The following CACNA1I variants were observed in gnomAD, a reference collection of about 807,000 sequenced individuals.
CACNA1I encodes the protein calcium voltage-gated channel subunit alpha1 I, also known as voltage-dependent T-type calcium channel subunit alpha-1I.
In CACNA1I, 74 loss-of-function variants were observed where a neutral mutation model predicts 201.6. The ratio of observed to expected loss-of-function variants is 0.37; its 90% CI spans 0.30 to 0.45. The LOEUF (loss-of-function observed/expected upper bound fraction) is 0.45. Among genes scored for constraint, CACNA1I ranks in the 20% least tolerant of loss-of-function variants. The probability of loss-of-function intolerance (pLI) is 1.00; values close to 1 mark genes in which losing one functional copy is unlikely to be tolerated. For synonymous variants in CACNA1I, 1,431 were observed against 1,345.2 expected (o/e 1.06, Z -1.40); for missense variants, 2,346 against 3,138.1 (o/e 0.75, Z 6.03).
At position 39,663,716 on chromosome 22, in the gene CACNA1I, A is replaced by G; in HGVS notation, c.3474-2A>G. On this transcript the variant is annotated splice_acceptor_variant, in intron 18 of 36. Transcript: ENST00000402142. LOFTEE classifies it high-confidence loss of function. Reference sequence around the variant, plus strand: ...CAGGCAGCCCCCGCCCACCCTGCCCAGGTTCCGGGTCCTGTGTCAGACCAT... The same window carrying G: ...CAGGCAGCCCCCGCCCACCCTGCCCGGGTTCCGGGTCCTGTGTCAGACCAT... 3.2e-6 allele frequency: 2 copies of G among 626,200 alleles called. No individual in the cohort carries two copies. The highest frequency in any genetic ancestry group is 5.7e-6 in the Non-Finnish European group (2 of 348,976). 38.8% of individuals were successfully genotyped at this position (626,200 alleles called of 1,614,324 possible). A position where few individuals can be genotyped will look rare whatever the true frequency, so the allele number is the denominator to read the frequency against.
chr22:39,613,534 G>A (rs1196612581), intron 3 of CACNA1I, among the ~76,000 whole-genome samples: 1 of 152,230 alleles, frequency 6.6e-6, no homozygotes, highest in Non-Finnish European at 1.5e-5. Flanking sequence ...TACTGGATCT[G>A]TATATGAACA....
intron 1 of CACNA1I, among the ~76,000 whole-genome samples, chr22:39,588,533 C>T (rs1047508774): frequency 6.6e-6 from 1 of 151,686 alleles, no homozygotes; most frequent in African/African-American, 2.4e-5. Flanking sequence ...CTACAGGCGC[C>T]CACCACCACG....
chr22:39,588,888 G>T (rs983256191), intron 1 of CACNA1I, among the ~76,000 whole-genome samples: 1 of 152,140 alleles, frequency 6.6e-6, no homozygotes, highest in African/African-American at 2.4e-5. Context: ...GCTCTGCTGC[G>T]TCTGGCTTCT....
intron 1 of CACNA1I, among the ~76,000 whole-genome samples, chr22:39,575,785 T>C (rs1220474979): frequency 6.6e-6 from 1 of 152,002 alleles, no homozygotes; most frequent in African/African-American, 2.4e-5. Flanking sequence ...CTTTCATTTT[T>C]TTTTTTTGAG....
In CACNA1I at chr22:39,594,795, G is replaced by A. The variant is rs985118277; in HGVS notation, c.237-3356G>A. The stretch of plus-strand genomic sequence containing the variant: ...CACTCCTGAGTCCCCGGATGTTGGA[G>A]TGGGCAGGGCCCCTAGAGATTTACA... On this transcript the variant is annotated intron_variant, in intron 1 of 36. Coordinates refer to ENST00000402142, the MANE Select transcript of CACNA1I (RefSeq NM_021096.4). Among the ~76,000 whole-genome samples the A allele has an allele frequency of 7.9e-5, 12 of 152,284 alleles. No homozygotes were observed. The East Asian group carries it at 9.6e-4, about 12-fold the overall frequency.
chr22:39,669,735 A>G (rs982837322), intron 24 of CACNA1I, among the ~76,000 whole-genome samples: 1 of 151,934 alleles, frequency 6.6e-6, no homozygotes, highest in Non-Finnish European at 1.5e-5. Flanking sequence ...GGATAGGTGG[A>G]TGGATGGATG....
chr22:39,618,097 CTG>C (rs1239995508), intron 3 of CACNA1I, among the ~76,000 whole-genome samples: 3 of 147,496 alleles, frequency 2.0e-5, no homozygotes, highest in Admixed American at 6.7e-5. Context: ...GTGTGTGACT[CTG>C]TGTGCAGGTG....
rs762502417 is a variant in CACNA1I, at chr22:39,682,632, G to A, written c.5801G>A (p.Arg1934Gln). Reference protein sequence around the residue: ...EMEEIPFNPVRSWLKHDSSQA... With the variant: ...EMEEIPFNPVQSWLKHDSSQA... ...GAGGAGATCCCATTCAACCCTGTCC[G>A]GTCCTGGCTGAAACATGACAGCAGT... The change falls in exon 35 of 37, where the codon CGG (arginine) becomes CAG (glutamine). Residue 1934 changes from arginine to glutamine, a missense_variant. Transcript: ENST00000402142. 2.0e-5 allele frequency: 33 copies of A among 1,613,098 alleles called. No homozygotes were observed. Among genetic ancestry groups the A allele is most frequent in the East Asian group, 6.7e-5 (3 of 44,878 alleles).
At chr22:39,630,218 G>A (rs1178234793) in intron 4 of CACNA1I, among the ~76,000 whole-genome samples, 3 of 152,042 alleles carry the variant, frequency 2.0e-5, no homozygotes, top group Non-Finnish European at 4.4e-5. Context: ...ATGTTCACCC[G>A]ACCCCAGGCC....
intron 4 of CACNA1I, among the ~76,000 whole-genome samples, chr22:39,625,382 C>T (rs1601472476): frequency 6.6e-6 from 1 of 152,322 alleles, no homozygotes; most frequent in South Asian, 2.1e-4. Flanking sequence ...CCAGCATGAA[C>T]AACCAGGAAG....
chr22:39,614,128 A>G (rs561061898), intron 3 of CACNA1I, among the ~76,000 whole-genome samples: 1 of 152,252 alleles, frequency 6.6e-6, no homozygotes, highest in Admixed American at 6.5e-5. Flanking sequence ...GCTTACAGGC[A>G]TGAGCCACCA....
chr22:39,604,653 C>T (rs6001636), intron 3 of CACNA1I, among the ~76,000 whole-genome samples: 1,781 of 152,208 alleles, frequency 0.012, 34 homozygotes, highest in African/African-American at 0.041. Flanking sequence ...TCACAGCTTA[C>T]TGCAGCCTCG....
chr22:39,654,650 C>T (rs1354065222), intron 10 of CACNA1I, among the ~76,000 whole-genome samples: 1 of 152,136 alleles, frequency 6.6e-6, no homozygotes, highest in East Asian at 1.9e-4. Flanking sequence ...CATTCCAGCT[C>T]TATAGGGGCC....
chr22:39,631,677 G>A lies in CACNA1I; in HGVS notation c.581-2888G>A, dbSNP rs553544690. Among the ~76,000 whole-genome samples the A allele has an allele frequency of 7.2e-5, 11 of 152,260 alleles. No individual in the cohort carries two copies. The South Asian group carries it at 2.3e-3, about 32-fold the overall frequency. On this transcript the variant is annotated intron_variant, in intron 4 of 36. Transcript: ENST00000402142. Reference sequence around the variant, plus strand: ...CTCTCTGTCTTCTGTCTCTCTTTCTGTCACTCCTGGTTTCACTTTCTCCTC... The same window carrying A: ...CTCTCTGTCTTCTGTCTCTCTTTCTATCACTCCTGGTTTCACTTTCTCCTC...
At chr22:39,593,480 C>T (rs371388510) in intron 1 of CACNA1I, among the ~76,000 whole-genome samples, 4 of 152,156 alleles carry the variant, frequency 2.6e-5, no homozygotes, top group African/African-American at 7.2e-5. Context: ...AGGTGACCTG[C>T]GAACTGGGCT....
intron 1 of CACNA1I, among the ~76,000 whole-genome samples, chr22:39,593,375 C>T (rs1056171325): frequency 2.0e-5 from 3 of 152,144 alleles, no homozygotes; most frequent in South Asian, 2.1e-4. Context: ...CACTGTGGTA[C>T]GTGCTAGCCA....
rs751846777 is a variant in CACNA1I, at chr22:39,673,006, G to A, written c.4707G>A (p.Glu1569=). 1 of 1,613,910 alleles carries A rather than the reference G, an allele frequency of 6.2e-7. No homozygotes were observed. The highest frequency in any genetic ancestry group is 1.7e-5 in the Admixed American group (1 of 60,014). The change falls in exon 28 of 37, where the codon GAG becomes GAA. Residue 1569 remains glutamate, a synonymous_variant. Transcript: ENST00000402142. ...VLLSVMGITL[E]EIEINAALPI... ...TGTCAGTCATGGGCATCACCCTGGA[G>A]GAGATCGAGATCAATGCGGCCCTGC...
chr22:39,625,548 C>A (rs374114584), intron 4 of CACNA1I, among the ~76,000 whole-genome samples: 1 of 152,330 alleles, frequency 6.6e-6, no homozygotes, highest in Admixed American at 6.5e-5. Flanking sequence ...TGGCTCTCAA[C>A]TTTGTCCAGG....
rs1185041339 is a variant in CACNA1I at position 39,679,864 on chromosome 22, A to G, written c.5537A>G (p.Gln1846Arg). ...AGCKKCHHDK[Q>R]EVQLAETEAF... is the part of the protein sequence containing the mutation. ...TGCAAGAAGTGTCACCACGACAAGC[A>G]AGAGGTAATGGCAGCCCGGGAGGCC... Residue 1846 changes from glutamine (Q) to arginine (R), a missense_variant, in exon 33 of 37, where the codon CAA (glutamine) becomes CGA (arginine). Coordinates refer to ENST00000402142, the MANE Select transcript of CACNA1I (RefSeq NM_021096.4). 8.1e-6 allele frequency: 13 copies of G among 1,611,910 alleles called. No individual in the cohort carries two copies. Among genetic ancestry groups the G allele is most frequent in the East Asian group, 2.2e-5 (1 of 44,824 alleles).
Sources: gnomAD v4.1 joint callset for allele counts (sites outside exome capture counted in the v4.1 genomes callset) on GRCh38, gnomAD v4.1.1 for gene constraint, MANE v1.5 for transcripts, NCBI Gene and HGNC (gene_info 2026-07-23, HGNC 2026-07-21) for gene names.